The following IRAK2 variants were observed in gnomAD, a reference collection of about 807,000 sequenced individuals.
IRAK2 encodes interleukin 1 receptor associated kinase 2, also known as interleukin-1 receptor-associated kinase-like 2.
IRAK2 carries 57 observed loss-of-function variants against 72.0 expected under a neutral mutation model. That is an observed-to-expected ratio of 0.79 (90% CI 0.64 to 0.99). The LOEUF (loss-of-function observed/expected upper bound fraction) is 0.99. IRAK2 is among the 50% of genes least tolerant of loss of function. IRAK2 has a pLI of 0.00. For missense variants in IRAK2, 790 were observed against 794.4 expected, an observed-to-expected ratio of 0.99 and a Z score of 0.07; for synonymous variants, 293 against 312.7, an observed-to-expected ratio of 0.94 and a Z score of 0.67.
intron 2 of IRAK2, among the ~76,000 whole-genome samples, chr3:10,186,176 C>T (rs1697073147): frequency 1.3e-5 from 2 of 151,848 alleles, no homozygotes; most frequent in Non-Finnish European, 1.5e-5. Context: ...TTATCTGAAA[C>T]GGAACTGGAA....
chr3:10,238,621 A>C (rs1179147468), intron 11 of IRAK2, 127 bp from the exon 12 acceptor site: 15 of 917,628 alleles, frequency 1.6e-5, no homozygotes, highest in Non-Finnish European at 1.6e-5. Flanking sequence ...TGGTTTTTTC[A>C]GACAAAACAA....
chr3:10,202,844 A>T (rs1408771918), intron 3 of IRAK2, among the ~76,000 whole-genome samples: 3 of 151,728 alleles, frequency 2.0e-5, no homozygotes, highest in Non-Finnish European at 4.4e-5. Flanking sequence ...GGTGTACATC[A>T]CTACGGCCGG....
At chr3:10,184,009 C>T (rs1179983542) in intron 2 of IRAK2, among the ~76,000 whole-genome samples, 1 of 152,202 alleles carries the variant, frequency 6.6e-6, no homozygotes, top group African/African-American at 2.4e-5. Flanking sequence ...TTTTGTGGCC[C>T]AGGCTCTTTC....
intron 2 of IRAK2, among the ~76,000 whole-genome samples, chr3:10,191,017 G>A (rs961962766): frequency 6.6e-5 from 10 of 152,030 alleles, no homozygotes; most frequent in Admixed American, 1.3e-4. Flanking sequence ...TGGCTAGGCC[G>A]GGCGCGGTGG....
At chr3:10,210,073 C>T (rs763289842) in intron 4 of IRAK2, among the ~76,000 whole-genome samples, 1 of 152,084 alleles carries the variant, frequency 6.6e-6, no homozygotes, top group Non-Finnish European at 1.5e-5. Flanking sequence ...GTGCATGTCA[C>T]CATGCTCGGC....
At chr3:10,204,730 C>T (rs746557513) in intron 3 of IRAK2, among the ~76,000 whole-genome samples, 1 of 152,008 alleles carries the variant, frequency 6.6e-6, no homozygotes, top group Non-Finnish European at 1.5e-5. Flanking sequence ...GCTTGGGTGA[C>T]AGAGAAAGAC....
chr3:10,242,715 T>C lies in IRAK2; in HGVS notation c.*487T>C, dbSNP rs904170266. The C allele has an allele frequency of 2.0e-5, 3 of 152,256 alleles. No homozygotes were observed. Among genetic ancestry groups the C allele is most frequent in the African/African-American group, 7.2e-5 (3 of 41,454 alleles). 9.4% of individuals were successfully genotyped at this position (152,256 alleles called of 1,614,324 possible). A position where few individuals can be genotyped will look rare whatever the true frequency, so the allele number is the denominator to read the frequency against. On this transcript the variant is annotated 3_prime_UTR_variant, in exon 13 of 13. Transcript: ENST00000256458. ...GATTTTTTTTAGTTTTTAATTTTTT[T>C]GTAGAGATGGGGTCTCGCTTTGTTG... is the stretch of plus-strand genomic sequence containing the variant.
chr3:10,175,287 T>C (rs970064021), intron 1 of IRAK2, among the ~76,000 whole-genome samples: 2 of 151,914 alleles, frequency 1.3e-5, no homozygotes, highest in Non-Finnish European at 1.5e-5. Context: ...TTACCACACC[T>C]GGCTAATTTT....
chr3:10,196,686 G>A (rs369455986), intron 2 of IRAK2, among the ~76,000 whole-genome samples: 12 of 152,332 alleles, frequency 7.9e-5, no homozygotes, highest in South Asian at 6.2e-4. Flanking sequence ...AGGAGACCCC[G>A]CCTTCCTGCC....
At chr3:10,183,177 A>T (rs980889494) in intron 2 of IRAK2, among the ~76,000 whole-genome samples, 1 of 152,164 alleles carries the variant, frequency 6.6e-6, no homozygotes, top group African/African-American at 2.4e-5. Flanking sequence ...TTCCTGAGGG[A>T]CTTACCTCTC....
At chr3:10,198,873 C>A (rs1193116106) in intron 2 of IRAK2, among the ~76,000 whole-genome samples, 2 of 152,256 alleles carry the variant, frequency 1.3e-5, no homozygotes, top group South Asian at 4.1e-4. Flanking sequence ...GAGTCAGCAG[C>A]CCTTCCTGGG....
intron 1 of IRAK2, among the ~76,000 whole-genome samples, chr3:10,175,113 A>T (rs1696853156): frequency 1.3e-5 from 2 of 151,660 alleles, no homozygotes; most frequent in South Asian, 4.2e-4. Flanking sequence ...AAAGATTTTT[A>T]AATTTTTATT....
At chr3:10,234,722 G>T in intron 11 of IRAK2, 63 bp downstream of exon 11, 1 of 1,447,260 alleles carries the variant, frequency 6.9e-7, no homozygotes, top group Non-Finnish European at 9.6e-7. Flanking sequence ...CATCGGGGAC[G>T]GCCCCTTCGC....
At chr3:10,206,229 C>T (rs1697431044) in intron 3 of IRAK2, among the ~76,000 whole-genome samples, 1 of 152,204 alleles carries the variant, frequency 6.6e-6, no homozygotes. Flanking sequence ...CCATCACAGT[C>T]CTATCTGCCT....
intron 2 of IRAK2, among the ~76,000 whole-genome samples, chr3:10,185,773 G>A (rs1697066343): frequency 6.6e-6 from 1 of 151,482 alleles, no homozygotes; most frequent in Non-Finnish European, 1.5e-5. Context: ...CTACTTGGGA[G>A]GCTGACGCAG....
chr3:10,193,028 A>G (rs1697201817), intron 2 of IRAK2, among the ~76,000 whole-genome samples: 2 of 152,198 alleles, frequency 1.3e-5, no homozygotes, highest in African/African-American at 2.4e-5. Context: ...GCCAAGGCTT[A>G]GGAGGATCCC....
chr3:10,220,805 A>G (rs1697675998), intron 8 of IRAK2, among the ~76,000 whole-genome samples: 2 of 152,102 alleles, frequency 1.3e-5, no homozygotes, highest in South Asian at 4.1e-4. Context: ...TGAAAGGGTG[A>G]GAGAGGTCAC....
At chr3:10,209,321 C>T (rs1697482926) in intron 3 of IRAK2, among the ~76,000 whole-genome samples, 1 of 152,176 alleles carries the variant, frequency 6.6e-6, no homozygotes, top group Admixed American at 6.5e-5. Flanking sequence ...GCTGGGTGGT[C>T]CTGAGCACTG....
At chr3:10,215,442 A>T (rs1054162908) in intron 6 of IRAK2, among the ~76,000 whole-genome samples, 2 of 151,410 alleles carry the variant, frequency 1.3e-5, no homozygotes, top group Admixed American at 1.3e-4. Flanking sequence ...AAGTAAAACA[A>T]ATTTAAAAAG....
Sources: allele counts gnomAD v4.1 joint callset (sites outside exome capture counted in the v4.1 genomes callset), GRCh38; gene constraint gnomAD v4.1.1; transcripts MANE v1.5; gene names NCBI Gene and HGNC (gene_info 2026-07-23, HGNC 2026-07-21).